TLE1: variants seen among roughly 807,000 people sequenced by gnomAD.
The protein encoded by TLE1 is TLE family member 1, transcriptional corepressor, also known as transducin-like enhancer protein 1.
A neutral mutation model predicts 89.8 loss-of-function variants in TLE1; 21 were observed. The observed-to-expected ratio is 0.23, with a 90% CI of 0.17 to 0.34. TLE1 has a LOEUF of 0.34. Among genes scored for constraint, TLE1 ranks in the 10% least tolerant of loss-of-function variants. The pLI is 1.00. For missense variants in TLE1, 795 were observed against 1,031.2 expected, an observed-to-expected ratio of 0.77 and a Z score of 3.14; for synonymous variants, 447 against 407.6, an observed-to-expected ratio of 1.10 and a Z score of -1.16.
At chr9:81,670,556 CCCT>C (rs1683129086) in intron 4 of TLE1, among the ~76,000 whole-genome samples, 3 of 151,958 alleles carry the variant, frequency 2.0e-5, no homozygotes, top group Non-Finnish European at 4.4e-5. Context: ...GAACTCCTGA[CCCT>C]CCTGACACCT....
At position 81,624,519 on chromosome 9, in the gene TLE1, A is replaced by C. The variant is rs531676047; in HGVS notation, c.595-3962T>G. 4.6e-5 allele frequency among the ~76,000 whole-genome samples: 7 copies of C among 152,312 alleles called. No homozygotes were observed. In the South Asian group the frequency reaches 1.4e-3, roughly 32 times the overall value. ...AAACAGGATTCATCAAGTAGAATTC[A>C]TTTTTCAAATATTTATTTGCCAAAT... On this transcript the variant is annotated intron_variant, in intron 8 of 19. Coordinates refer to ENST00000376499, the MANE Select transcript of TLE1 (RefSeq NM_005077.5).
chr9:81,611,583 C>T (rs1282701953), intron 13 of TLE1, among the ~76,000 whole-genome samples, 186 bp downstream of exon 13: 2 of 152,234 alleles, frequency 1.3e-5, no homozygotes, highest in African/African-American at 2.4e-5. Context: ...AAGCAGCATG[C>T]TGATGAAAGC....
At chr9:81,687,503 G>T (rs577678613) in intron 1 of TLE1, 69 bp from the exon 2 acceptor site, 1 of 1,225,994 alleles carries the variant, frequency 8.2e-7, no homozygotes, top group Non-Finnish European at 1.2e-6. Flanking sequence ...GTAAGTCAGA[G>T]AAGGCAAGAA....
rs116182669 is a variant in TLE1 at position 81,653,488 on chromosome 9, A to G, written c.297+486T>C. Among the ~76,000 whole-genome samples the G allele has an allele frequency of 2.5e-3, 385 of 152,344 alleles. 3 individuals are homozygous for G. Among genetic ancestry groups the G allele is most frequent in the African/African-American group, 8.7e-3 (363 of 41,574 alleles). ...TAACTAAACAAAATAGCTTATACATACATATGACTCATTAAGTTAATGTAT... is the reference window on the plus strand; with the variant it reads ...TAACTAAACAAAATAGCTTATACATGCATATGACTCATTAAGTTAATGTAT... On this transcript the variant is annotated intron_variant, in intron 5 of 19. Transcript: ENST00000376499.
At chr9:81,667,273 T>C (rs1017766726) in intron 4 of TLE1, among the ~76,000 whole-genome samples, 5 of 151,138 alleles carry the variant, frequency 3.3e-5, no homozygotes, top group Non-Finnish European at 7.4e-5. Context: ...GGTGCACACC[T>C]GTAATCCAGC....
At chr9:81,614,978 T>C (rs1824231683) in intron 11 of TLE1, among the ~76,000 whole-genome samples, 1 of 150,258 alleles carries the variant, frequency 6.7e-6, no homozygotes, top group Non-Finnish European at 1.5e-5. Flanking sequence ...GCAGATTGCC[T>C]GAGGTCAGGA....
intron 14 of TLE1, among the ~76,000 whole-genome samples, chr9:81,608,228 T>A (rs1186339861): frequency 2.6e-5 from 4 of 152,044 alleles, no homozygotes; most frequent in Middle Eastern, 3.4e-3. Flanking sequence ...GGTTTGCCCC[T>A]TATCCACTCA....
chr9:81,651,557 G>C (rs962890517), intron 6 of TLE1, among the ~76,000 whole-genome samples: 3 of 152,138 alleles, frequency 2.0e-5, no homozygotes, highest in African/African-American at 7.2e-5. Context: ...TCATTGGTGT[G>C]TGACTTAAAA....
chr9:81,647,465 T>C (rs1006788078), intron 6 of TLE1, among the ~76,000 whole-genome samples: 2 of 152,236 alleles, frequency 1.3e-5, no homozygotes, highest in Admixed American at 6.5e-5. Context: ...AACAACTTAA[T>C]GGCAGGAGCA....
intron 6 of TLE1, among the ~76,000 whole-genome samples, chr9:81,647,644 T>TCAAG (rs1187711630): frequency 1.3e-5 from 2 of 152,106 alleles, no homozygotes; most frequent in Non-Finnish European, 2.9e-5. Context: ...AAACTGCAGT[T>TCAAG]CAAGGAGTCA....
chr9:81,652,258 G>T lies in TLE1; in HGVS notation c.328C>A (p.Arg110Ser). 1 of 1,613,942 alleles carries T rather than the reference G, an allele frequency of 6.2e-7. No individual in the cohort carries two copies. The highest frequency in any genetic ancestry group is 8.5e-7 in the Non-Finnish European group (1 of 1,179,940). ...TCTGCCATGGTCACCTGTTTGGCACGTTCAACAGCCTGGGCCACCTGTTGT... is the reference window on the plus strand; with the variant it reads ...TCTGCCATGGTCACCTGTTTGGCACTTTCAACAGCCTGGGCCACCTGTTGT... ...HQQQVAQAVE[R>S]AKQVTMAELN... The change falls in exon 6 of 20, where the codon CGT (arginine) becomes AGT (serine). Residue 110 changes from arginine (R) to serine (S), a missense_variant. Physicochemically the swap from Arg to Ser is moderately radical, Grantham distance 110. Around this residue, in one of 4 missense-constraint regions of TLE1, gnomAD observed 66 missense variants for 118.7 expected, o/e 0.56. Transcript: ENST00000376499.
chr9:81,683,831 C>T (rs150655291), intron 4 of TLE1, among the ~76,000 whole-genome samples: 96 of 152,236 alleles, frequency 6.3e-4, no homozygotes, highest in African/African-American at 2.2e-3. Flanking sequence ...AAATGCCTCA[C>T]TCTGTATAGA....
chr9:81,609,790 G>A (rs1274344885), intron 14 of TLE1, among the ~76,000 whole-genome samples: 1 of 152,190 alleles, frequency 6.6e-6, no homozygotes, highest in East Asian at 1.9e-4. Context: ...ACAGAGCTGA[G>A]TAAAGAGATG....
intron 2 of TLE1, among the ~76,000 whole-genome samples, 153 bp downstream of exon 2, chr9:81,687,181 G>C (rs1158176402): frequency 1.3e-5 from 2 of 152,184 alleles, no homozygotes; most frequent in Non-Finnish European, 2.9e-5. Context: ...GAAGAACCAG[G>C]AAAGGGGGTA....
chr9:81,613,567 C>T (rs1252538239), intron 11 of TLE1, 46 bp from the exon 12 acceptor site: 35 of 1,599,202 alleles, frequency 2.2e-5, no homozygotes, highest in Non-Finnish European at 2.7e-5. Context: ...TTAATCCAAG[C>T]CATATTACAC....
At chr9:81,649,767 G>A (rs966294210) in intron 6 of TLE1, among the ~76,000 whole-genome samples, 7 of 152,056 alleles carry the variant, frequency 4.6e-5, no homozygotes. Flanking sequence ...TCCCCTCTGG[G>A]GAGACAGGTT....
rs144617695 is a variant in TLE1 at position 81,667,618 on chromosome 9, G to A, written c.235-13582C>T. Among the ~76,000 whole-genome samples, 533 of 151,984 alleles carry A rather than the reference G, an allele frequency of 3.5e-3. 1 individual carries two copies. The highest frequency in any genetic ancestry group is 6.8e-3 in the Middle Eastern group (2 of 294). On this transcript the variant is annotated intron_variant, in intron 4 of 19. Coordinates refer to ENST00000376499, the MANE Select transcript of TLE1 (RefSeq NM_005077.5). The stretch of plus-strand genomic sequence containing the variant: ...TCTAGGCCCCCAGTGCCACATAATG[G>A]CTCCAATTTTGATATATGTATCAAA...
intron 14 of TLE1, among the ~76,000 whole-genome samples, chr9:81,603,091 C>T (rs570650719): frequency 6.6e-6 from 1 of 152,112 alleles, no homozygotes; most frequent in Admixed American, 6.6e-5. Context: ...GTGAAGTCAC[C>T]GGGCCTTTGC....
intron 15 of TLE1, 58 bp downstream of exon 15, chr9:81,592,967 T>C (rs1829751043): frequency 1.3e-6 from 2 of 1,575,464 alleles, no homozygotes; most frequent in Non-Finnish European, 8.7e-7. Context: ...ACACAGCTAT[T>C]TCCTTATTGA....
Sources: gnomAD v4.1 joint callset for allele counts (sites outside exome capture counted in the v4.1 genomes callset) on GRCh38, gnomAD v4.1.1 for gene constraint, gnomAD v4.1.1 regional missense constraint, MANE v1.5 for transcripts, NCBI Gene and HGNC (gene_info 2026-07-23, HGNC 2026-07-21) for gene names.